The following RASGRF2 variants were observed in gnomAD, a reference collection of about 807,000 sequenced individuals.
RASGRF2 encodes the protein ras-specific guanine nucleotide-releasing factor 2.
In RASGRF2, 76 loss-of-function variants were observed where a neutral mutation model predicts 151.0. The ratio of observed to expected loss-of-function variants is 0.50; its 90% CI spans 0.42 to 0.61. RASGRF2 has a LOEUF of 0.61. Ranked by LOEUF, RASGRF2 falls within the 20% of genes least tolerant of loss-of-function variation. RASGRF2 has a pLI of 0.00. For missense variants in RASGRF2, 1,148 were observed against 1,564.6 expected, an observed-to-expected ratio of 0.73 and a Z score of 4.49; for synonymous variants, 504 against 566.5, an observed-to-expected ratio of 0.89 and a Z score of 1.57.
intron 18 of RASGRF2, among the ~76,000 whole-genome samples, chr5:81,195,892 C>T (rs1285407270): frequency 6.6e-6 from 1 of 152,112 alleles, no homozygotes; most frequent in Non-Finnish European, 1.5e-5. Flanking sequence ...CCTGTGTGGC[C>T]GATATGTGAC....
intron 1 of RASGRF2, among the ~76,000 whole-genome samples, chr5:81,026,852 C>T (rs972172934): frequency 6.6e-6 from 1 of 151,982 alleles, no homozygotes; most frequent in African/African-American, 2.4e-5. Context: ...GTTGCAGGAG[C>T]CCAATAAACA....
intron 1 of RASGRF2, among the ~76,000 whole-genome samples, chr5:80,996,040 C>T (rs967761588): frequency 5.3e-5 from 8 of 151,992 alleles, no homozygotes; most frequent in Admixed American, 3.9e-4. Context: ...TTGCTCATTG[C>T]ATTACCCCCT....
chr5:81,120,804 G>A (rs1193635210), intron 15 of RASGRF2, among the ~76,000 whole-genome samples: 1 of 152,180 alleles, frequency 6.6e-6, no homozygotes, highest in African/African-American at 2.4e-5. Context: ...CATATTGAAG[G>A]CTAGGAATAG....
chr5:81,035,071 A>G (rs1170105695), intron 1 of RASGRF2, among the ~76,000 whole-genome samples: 1 of 152,288 alleles, frequency 6.6e-6, no homozygotes, highest in African/African-American at 2.4e-5. Context: ...TCAAGGATCT[A>G]GAACTAGAAA....
intron 17 of RASGRF2, among the ~76,000 whole-genome samples, chr5:81,157,354 T>TA (rs559651337): frequency 0.066 from 7,126 of 108,068 alleles, 245 homozygotes; most frequent in South Asian, 0.19. Context: ...AGAGTCTGTC[T>TA]AAAAAAAAAA....
At chr5:81,187,190 T>C (rs1167735885) in intron 18 of RASGRF2, among the ~76,000 whole-genome samples, 1 of 152,202 alleles carries the variant, frequency 6.6e-6, no homozygotes, top group East Asian at 1.9e-4. Flanking sequence ...GTAAACTTGC[T>C]GTGATGGTGG....
At chr5:81,077,111 G>T (rs1254020976) in intron 5 of RASGRF2, among the ~76,000 whole-genome samples, 2 of 152,146 alleles carry the variant, frequency 1.3e-5, no homozygotes, top group Non-Finnish European at 2.9e-5. Flanking sequence ...CCAATAAAAA[G>T]GTGGTGGGAT....
chr5:80,975,491 A>G (rs1011767315), intron 1 of RASGRF2, among the ~76,000 whole-genome samples: 1 of 151,986 alleles, frequency 6.6e-6, no homozygotes, highest in Non-Finnish European at 1.5e-5. Context: ...TAACCCCCTT[A>G]TTTTCTGGAA....
At chr5:81,078,726 C>T (rs557336120) in intron 5 of RASGRF2, among the ~76,000 whole-genome samples, 2 of 152,290 alleles carry the variant, frequency 1.3e-5, no homozygotes, top group East Asian at 3.9e-4. Flanking sequence ...CATCTGTTTT[C>T]TAACCATCCA....
chr5:81,152,902 G>C (rs1211178163), intron 17 of RASGRF2, among the ~76,000 whole-genome samples: 2 of 152,142 alleles, frequency 1.3e-5, no homozygotes, highest in African/African-American at 4.8e-5. Context: ...CACTGACTTT[G>C]ATTTGGAGCA....
At chr5:80,978,806 G>C (rs569692554) in intron 1 of RASGRF2, among the ~76,000 whole-genome samples, 2 of 151,968 alleles carry the variant, frequency 1.3e-5, no homozygotes, top group South Asian at 4.2e-4. Flanking sequence ...AAAAAAAAAG[G>C]GGGGGAAACA....
At chr5:81,209,137 A>G (rs1755577181) in intron 22 of RASGRF2, among the ~76,000 whole-genome samples, 1 of 152,154 alleles carries the variant, frequency 6.6e-6, no homozygotes, top group Non-Finnish European at 1.5e-5. Flanking sequence ...TCATTACTGA[A>G]CGTTCAGCCT....
chr5:81,207,166 G>A (rs374458608), intron 20 of RASGRF2, 80 bp from the exon 21 acceptor site: 2 of 1,181,334 alleles, frequency 1.7e-6, no homozygotes, highest in Non-Finnish European at 1.2e-6. Context: ...CACACATGCA[G>A]CTGTCTGCCT....
intron 18 of RASGRF2, among the ~76,000 whole-genome samples, chr5:81,184,638 C>G (rs1252935264): frequency 6.6e-6 from 1 of 152,154 alleles, no homozygotes; most frequent in African/African-American, 2.4e-5. Context: ...ATGAAACAGT[C>G]ACATATTTTC....
rs373573174 is a variant in RASGRF2, at chr5:81,070,595, G to A, written c.633+14G>A. 1 of 1,575,976 alleles carries A rather than the reference G, an allele frequency of 6.3e-7. No homozygotes were observed. Among genetic ancestry groups the A allele is most frequent in the Middle Eastern group, 1.7e-4 (1 of 5,984 alleles). On this transcript the variant is annotated intron_variant, in intron 4 of 26. Coordinates refer to ENST00000265080, the MANE Select transcript of RASGRF2 (RefSeq NM_006909.3). ...AAGATTAAAAAGGTAGGGCCTGGAG[G>A]TTTCCAGCTTTGTAGGAGCATGGTG...
chr5:81,126,742 A>T (rs1753465425), intron 16 of RASGRF2, among the ~76,000 whole-genome samples: 1 of 152,196 alleles, frequency 6.6e-6, no homozygotes, highest in African/African-American at 2.4e-5. Context: ...TTGGAACTTC[A>T]TTCCTTTTTG....
chr5:81,035,530 G>A (rs1379104107), intron 1 of RASGRF2, among the ~76,000 whole-genome samples: 1 of 152,012 alleles, frequency 6.6e-6, no homozygotes, highest in Non-Finnish European at 1.5e-5. Flanking sequence ...GTTAATGGGT[G>A]CAGCACACCA....
intron 1 of RASGRF2, among the ~76,000 whole-genome samples, chr5:80,971,068 A>T (rs1292989080): frequency 1.3e-5 from 2 of 152,368 alleles, no homozygotes; most frequent in Admixed American, 6.5e-5. Flanking sequence ...ACAATAAATT[A>T]AAAATAAACC....
chr5:81,077,506 T>C (rs1451739590), intron 5 of RASGRF2, among the ~76,000 whole-genome samples: 4 of 152,120 alleles, frequency 2.6e-5, no homozygotes, highest in Non-Finnish European at 5.9e-5. Context: ...GGAAGGGTGA[T>C]GAGTGGTAGT....
Sources: gnomAD v4.1 joint callset for allele counts (sites outside exome capture counted in the v4.1 genomes callset) on GRCh38, gnomAD v4.1.1 for gene constraint, MANE v1.5 for transcripts, NCBI Gene and HGNC (gene_info 2026-07-23, HGNC 2026-07-21) for gene names.